PLEKHH1: variants seen among roughly 807,000 people sequenced by gnomAD.
The protein encoded by PLEKHH1 is pleckstrin homology, MyTH4 and FERM domain containing H1, also known as pleckstrin homology domain-containing family H member 1.
A neutral mutation model predicts 160.0 loss-of-function variants in PLEKHH1; 104 were observed. That is an observed-to-expected ratio of 0.65 (90% confidence interval 0.55 to 0.76). The LOEUF (loss-of-function observed/expected upper bound fraction) is 0.76. Among genes scored for constraint, PLEKHH1 ranks in the 30% least tolerant of loss-of-function variants. The probability of loss-of-function intolerance (pLI) is 0.00; values close to 1 mark genes in which losing one functional copy is unlikely to be tolerated. For missense variants in PLEKHH1, 1,427 were observed against 1,724.1 expected (o/e 0.83, Z 3.05); for synonymous variants, 619 against 678.4 (o/e 0.91, Z 1.36).
intron 7 of PLEKHH1, among the ~76,000 whole-genome samples, chr14:67,567,192 CCTCT>C (rs1205263236): frequency 2.6e-5 from 4 of 152,150 alleles, no homozygotes; most frequent in Admixed American, 6.5e-5. Context: ...AGAAGCCCAG[CCTCT>C]CTCTCTCCCA....
In PLEKHH1 at chr14:67,587,570, A is replaced by C; in HGVS notation, c.*335A>C. On this transcript the variant is annotated 3_prime_UTR_variant, in exon 29 of 29. Transcript: ENST00000329153. ...ATAAGTTAAGGCTTTCTGCACTGGT[A>C]CTCTCAAGGAAGCTAATTTTCTTTC... is the stretch of plus-strand genomic sequence containing the variant. 5.4e-5 allele frequency: 16 copies of C among 294,584 alleles called. No individual in the cohort carries two copies. The highest frequency in any genetic ancestry group is 1.8e-4 in the East Asian group (2 of 10,916). The allele number at this position is 294,584 out of a possible 1,614,324, so 18.2% of individuals were successfully genotyped here.
intron 15 of PLEKHH1, 171 bp downstream of exon 15, chr14:67,575,643 CT>C: frequency 1.4e-6 from 1 of 699,538 alleles, no homozygotes; most frequent in Non-Finnish European, 2.5e-6. Context: ...GTCTCTGGTG[CT>C]TCTCCAAGCA....
chr14:67,581,890 C>T, intron 23 of PLEKHH1, 179 bp from the exon 24 acceptor site: 2 of 601,446 alleles, frequency 3.3e-6, no homozygotes, highest in Non-Finnish European at 5.8e-6. Flanking sequence ...CAGCATGACC[C>T]TGCATCTGCT....
At position 67,578,497 on chromosome 14, in the gene PLEKHH1, C is replaced by A; in HGVS notation, c.2752-37C>A. On this transcript the variant is annotated intron_variant, in intron 19 of 28. Transcript: ENST00000329153. This position sits in a 1 kb window ranked among gnomAD's most constrained non-coding sequence, Gnocchi z 5.0. Reference sequence around the variant, plus strand: ...CTATGAGGACAGGTGGTGCTGTAGGCCCAGCACTCACCCCACGCTGTCTGT... The same window carrying A: ...CTATGAGGACAGGTGGTGCTGTAGGACCAGCACTCACCCCACGCTGTCTGT... 6 of 1,376,840 alleles carry A rather than the reference C, an allele frequency of 4.4e-6. No homozygotes were observed. The highest frequency in any genetic ancestry group is 6.2e-6 in the Non-Finnish European group (6 of 975,338). The allele number at this position is 1,376,840 out of a possible 1,614,324, so 85.3% of individuals were successfully genotyped here. A position where few individuals can be genotyped will look rare whatever the true frequency, so the allele number is the denominator to read the frequency against.
At chr14:67,556,417 T>C (rs2034596380) in intron 3 of PLEKHH1, among the ~76,000 whole-genome samples, 1 of 152,228 alleles carries the variant, frequency 6.6e-6, no homozygotes, top group Admixed American at 6.5e-5. Context: ...ATTACAGGCG[T>C]GAGCCACTGT....
intron 11 of PLEKHH1, among the ~76,000 whole-genome samples, chr14:67,572,757 C>T (rs1024666585): frequency 6.6e-6 from 1 of 152,148 alleles, no homozygotes; most frequent in Admixed American, 6.5e-5. Context: ...CATCCACTCC[C>T]GATGTAATTC....
chr14:67,549,583 T>C (rs1308764614), intron 2 of PLEKHH1, among the ~76,000 whole-genome samples: 2 of 152,206 alleles, frequency 1.3e-5, no homozygotes, highest in Non-Finnish European at 2.9e-5. Flanking sequence ...AAATTGCTTT[T>C]CTAACCCTCT....
chr14:67,571,562 C>T lies in PLEKHH1; in HGVS notation c.1435-190C>T, dbSNP rs901845921. On this transcript the variant is annotated intron_variant, in intron 9 of 28. Coordinates refer to ENST00000329153, the MANE Select transcript of PLEKHH1 (RefSeq NM_020715.3). ...AGAAGATGGTGTGTGGGAAGGGAGG[C>T]CTGAGAAGCATGGAGGTCATGACAC... 19 of 545,078 alleles carry T rather than the reference C, an allele frequency of 3.5e-5. 1 individual carries two copies. The highest frequency in any genetic ancestry group is 2.0e-4 in the Admixed American group (7 of 34,528). 33.8% of individuals were successfully genotyped at this position (545,078 alleles called of 1,614,324 possible). A position where few individuals can be genotyped will look rare whatever the true frequency, so the allele number is the denominator to read the frequency against.
chr14:67,573,895 C>A lies in PLEKHH1; in HGVS notation c.1926+8C>A. 1 of 1,598,532 alleles carries A rather than the reference C, an allele frequency of 6.3e-7. No individual in the cohort carries two copies. The highest frequency in any genetic ancestry group is 8.6e-7 in the Non-Finnish European group (1 of 1,165,746). On this transcript the variant is annotated splice_region_variant and intron_variant, in intron 13 of 28. Transcript: ENST00000329153. This position sits in a 1 kb window ranked among gnomAD's most constrained non-coding sequence, Gnocchi z 4.8. ...GGTTCACAGACGTTTCAGGTGAGCA[C>A]GCTCCTGGCTGCTAGTATTTTAAAC...
chr14:67,566,820 G>A (rs1013001156), intron 7 of PLEKHH1, among the ~76,000 whole-genome samples: 3 of 151,978 alleles, frequency 2.0e-5, no homozygotes, highest in African/African-American at 7.3e-5. Flanking sequence ...GAGAGAGGGT[G>A]GAGGAGGAGA....
intron 2 of PLEKHH1, among the ~76,000 whole-genome samples, chr14:67,549,465 T>A (rs1190147844): frequency 2.6e-5 from 4 of 152,106 alleles, no homozygotes; most frequent in Non-Finnish European, 2.9e-5. Flanking sequence ...GCGACGGGGT[T>A]TCACCATGTT....
rs114429668 is a variant in PLEKHH1 at position 67,579,825 on chromosome 14, G to A, written c.3132G>A (p.Thr1044=). Residue 1044 remains threonine, a synonymous_variant, in exon 22 of 29, where the codon ACG becomes ACA. Transcript: ENST00000329153. ...CCCACTCTGGCTTTGCCCTCTTCAC[G>A]GACGATCCCTCGGGCAGGGACCTGG... ...KPSHSGFALF[T]DDPSGRDLEH... The A allele has an allele frequency of 5.2e-4, 834 of 1,609,134 alleles. 6 individuals carry two copies. In the African/African-American group the frequency reaches 9.2e-3, roughly 18 times the overall value.
intron 7 of PLEKHH1, among the ~76,000 whole-genome samples, chr14:67,568,612 A>AT (rs1242454037): frequency 6.6e-6 from 1 of 152,086 alleles, no homozygotes; most frequent in Non-Finnish European, 1.5e-5. Flanking sequence ...CAAACAAATT[A>AT]TTTTTTAAAA....
At chr14:67,570,118 G>A (rs2140457715) in intron 9 of PLEKHH1, 106 bp downstream of exon 9, 2 of 835,556 alleles carry the variant, frequency 2.4e-6, no homozygotes, top group South Asian at 1.5e-5. Flanking sequence ...TGCACATGGT[G>A]ACCCTGCCCA....
chr14:67,562,271 G>A lies in PLEKHH1; in HGVS notation c.640G>A (p.Ala214Thr), dbSNP rs778552108. The A allele has an allele frequency of 6.2e-7, 1 of 1,613,600 alleles. No homozygotes were observed. Among genetic ancestry groups the A allele is most frequent in the South Asian group, 1.1e-5 (1 of 91,020 alleles). ...CTCCCAGGCCCAGGGTCTGAAGGCA[G>A]CTGTGCTTGCACCTTCCCCAGGTGC... is the stretch of plus-strand genomic sequence containing the variant. Reference protein sequence around the residue: ...SGSQAQGLKAAVLAPSPGALQ... With the variant: ...SGSQAQGLKATVLAPSPGALQ... The change falls in exon 7 of 29, where the codon GCT becomes ACT. Residue 214 changes from alanine (A) to threonine (T), a missense_variant. Physicochemically the swap from Ala to Thr is moderately conservative, Grantham distance 58. Coordinates refer to ENST00000329153, the MANE Select transcript of PLEKHH1 (RefSeq NM_020715.3).
At chr14:67,552,413 A>C (rs1002008009) in intron 2 of PLEKHH1, among the ~76,000 whole-genome samples, 7 of 152,232 alleles carry the variant, frequency 4.6e-5, no homozygotes, top group African/African-American at 1.4e-4. Context: ...GAGAAAAAAG[A>C]ATACTGCAAC....
chr14:67,561,825 G>C (rs1277087542), intron 5 of PLEKHH1, 129 bp from the exon 6 acceptor site: 14 of 685,198 alleles, frequency 2.0e-5, no homozygotes, highest in Non-Finnish European at 3.2e-5. Context: ...AGCCAAAATT[G>C]CTCCACTGCA....
At chr14:67,583,624 C>G (rs2036006427) in intron 24 of PLEKHH1, 117 bp from the exon 25 acceptor site, 1 of 691,842 alleles carries the variant, frequency 1.4e-6, no homozygotes, top group Non-Finnish European at 2.3e-6. Context: ...TTTTCACAAC[C>G]ACTCGCACCC....
chr14:67,573,677 C>T lies in PLEKHH1; in HGVS notation c.1840-124C>T. 1 of 736,842 alleles carries T rather than the reference C, an allele frequency of 1.4e-6. No homozygotes were observed. The highest frequency in any genetic ancestry group is 2.1e-5 in the Admixed American group (1 of 48,716). 45.6% of individuals were successfully genotyped at this position (736,842 alleles called of 1,614,324 possible). On this transcript the variant is annotated intron_variant, in intron 12 of 28. Coordinates refer to ENST00000329153, the MANE Select transcript of PLEKHH1 (RefSeq NM_020715.3). This position sits in a 1 kb window ranked among gnomAD's most constrained non-coding sequence, Gnocchi z 4.8. ...CTAGAATAAGTCACCCATCATAACA[C>T]AGCCAGAATGCTGGGAATCATGTTT...
Sources: gnomAD v4.1 joint callset for allele counts (sites outside exome capture counted in the v4.1 genomes callset) on GRCh38, gnomAD v4.1.1 for gene constraint, Gnocchi (gnomAD v3.1) non-coding constraint, MANE v1.5 for transcripts, NCBI Gene and HGNC (gene_info 2026-07-23, HGNC 2026-07-21) for gene names.